Variants in VPS8 observed in about 807,000 individuals in gnomAD.
VPS8 encodes the protein VPS8 subunit of CORVET complex.
A neutral mutation model predicts 216.4 loss-of-function variants in VPS8; 129 were observed. The observed-to-expected ratio is 0.60, with a 90% CI of 0.52 to 0.69. The LOEUF is 0.69. Among genes scored for constraint, VPS8 ranks in the 30% least tolerant of loss-of-function variants. The probability of loss-of-function intolerance (pLI) is 0.00; values close to 1 mark genes in which losing one functional copy is unlikely to be tolerated. For missense variants in VPS8, 1,531 were observed against 1,683.5 expected (o/e 0.91, Z 1.59); for synonymous variants, 571 against 565.4 (o/e 1.01, Z -0.14).
Position 184,936,233 on chromosome 3 carries a change from C to T in VPS8, c.2899-13C>T. On this transcript the variant is annotated splice_polypyrimidine_tract_variant and intron_variant, in intron 34 of 47. Coordinates refer to ENST00000625842, the MANE Select transcript of VPS8 (RefSeq NM_001009921.3). ...GCCATTAGAGATGGCTTTGTCTTTT[C>T]CTTTAACTCCAGGAACTCGTGTCCC... 1.3e-6 allele frequency: 2 copies of T among 1,595,984 alleles called. No homozygotes were observed. Among genetic ancestry groups the T allele is most frequent in the Non-Finnish European group, 1.7e-6 (2 of 1,170,660 alleles).
chr3:184,869,035 G>A lies in VPS8; in HGVS notation c.1596G>A (p.Val532=). 6.2e-7 allele frequency: 1 copy of A among 1,602,364 alleles called. No individual in the cohort carries two copies. The highest frequency in any genetic ancestry group is 8.5e-7 in the Non-Finnish European group (1 of 1,174,332). ...SFHEGKAKAV[V]GLSGDASKRK... Reference sequence around the variant, plus strand: ...ATGAAGGAAAAGCAAAAGCAGTAGTGGGTGAGTAGGCAGAATTCCAGTGTA... The same window carrying A: ...ATGAAGGAAAAGCAAAAGCAGTAGTAGGTGAGTAGGCAGAATTCCAGTGTA... The change falls in exon 19 of 48, where the codon GTG becomes GTA. Residue 532 remains valine, a splice_region_variant and synonymous_variant. Coordinates refer to ENST00000625842, the MANE Select transcript of VPS8 (RefSeq NM_001009921.3).
chr3:184,973,400 A>T (rs1748749390), intron 40 of VPS8, among the ~76,000 whole-genome samples: 1 of 152,176 alleles, frequency 6.6e-6, no homozygotes, highest in Non-Finnish European at 1.5e-5. Context: ...AGGAAACTTA[A>T]GTAAAACTAA....
rs1740315451 is a variant in VPS8, at chr3:184,929,565, C to T, written c.2715-15C>T. ...CCCTGTTTGGTACACTGAAGTTTTT[C>T]CCTTTACATTCTAGCTATCAAATTT... On this transcript the variant is annotated splice_polypyrimidine_tract_variant and intron_variant, in intron 32 of 47. Coordinates refer to ENST00000625842, the MANE Select transcript of VPS8 (RefSeq NM_001009921.3). 1.4e-6 allele frequency: 2 copies of T among 1,445,364 alleles called. No homozygotes were observed. The highest frequency in any genetic ancestry group is 1.9e-6 in the Non-Finnish European group (2 of 1,057,340). 89.5% of individuals were successfully genotyped at this position (1,445,364 alleles called of 1,614,324 possible).
rs1180432755 is a variant in VPS8, at chr3:184,834,505, TAAAAG to T, written c.354-139_354-135del. ...CCTAAAACTTAAAGTATAATAATAA[TAAAAG>T]AAAAAAAAACAGATCTAACAAATTA... On this transcript the variant is annotated intron_variant, in intron 4 of 47. Coordinates refer to ENST00000625842, the MANE Select transcript of VPS8 (RefSeq NM_001009921.3). 13 of 633,614 alleles carry T rather than the reference TAAAAG, an allele frequency of 2.1e-5. No homozygotes were observed. In the East Asian group the frequency reaches 3.0e-4, roughly 14 times the overall value. The allele number at this position is 633,614 out of a possible 1,614,324, so 39.2% of individuals were successfully genotyped here.
intron 10 of VPS8, among the ~76,000 whole-genome samples, chr3:184,850,261 G>A (rs548035896): frequency 1.3e-5 from 2 of 152,332 alleles, no homozygotes; most frequent in African/African-American, 4.8e-5. Context: ...GCTTCAAGTT[G>A]TATTGAAGTC....
chr3:184,917,616 A>G (rs928464211), intron 28 of VPS8, among the ~76,000 whole-genome samples: 5 of 152,162 alleles, frequency 3.3e-5, no homozygotes, highest in African/African-American at 9.7e-5. Context: ...ATGTTGGCCA[A>G]GCTGGTCTCG....
intron 22 of VPS8, among the ~76,000 whole-genome samples, chr3:184,891,237 G>A (rs1192470794): frequency 6.6e-6 from 1 of 152,100 alleles, no homozygotes; most frequent in East Asian, 1.9e-4. Flanking sequence ...CTTGTGTTAT[G>A]TATGCATCTG....
intron 36 of VPS8, among the ~76,000 whole-genome samples, chr3:184,957,065 A>G (rs1193406478): frequency 6.6e-6 from 1 of 152,236 alleles, no homozygotes; most frequent in African/African-American, 2.4e-5. Context: ...TTAGGACTAA[A>G]TTGGGTGGCT....
chr3:184,940,271 TA>T, intron 36 of VPS8, 28 bp downstream of exon 36: 2 of 587,066 alleles, frequency 3.4e-6, no homozygotes, highest in South Asian at 5.4e-5. Context: ...AGTCTTTCAT[TA>T]TATATATATA....
rs775437098 is a variant in VPS8, at chr3:184,824,694, A to G, written c.62A>G (p.Glu21Gly). Reference sequence around the variant, plus strand: ...AGCCTCTGTGCCAAGACGAGCGAAGAAGAGCTGAATAAGTCTTTCAATCTA... The same window carrying G: ...AGCCTCTGTGCCAAGACGAGCGAAGGAGAGCTGAATAAGTCTTTCAATCTA... ...EQSLCAKTSE[E>G]ELNKSFNLEA... The change falls in exon 2 of 48, where the codon GAA becomes GGA. Residue 21 changes from glutamate to glycine, a missense_variant. By Grantham distance (98) the Glu-to-Gly change is moderately conservative (BLOSUM62 -2). Coordinates refer to ENST00000625842, the MANE Select transcript of VPS8 (RefSeq NM_001009921.3). 1 of 1,614,004 alleles carries G rather than the reference A, an allele frequency of 6.2e-7. No homozygotes were observed. Among genetic ancestry groups the G allele is most frequent in the African/African-American group, 1.3e-5 (1 of 75,042 alleles).
chr3:184,927,944 A>G (rs1246254018), intron 31 of VPS8, among the ~76,000 whole-genome samples: 1 of 152,200 alleles, frequency 6.6e-6, no homozygotes, highest in Non-Finnish European at 1.5e-5. Context: ...TGCATATACT[A>G]CATTTTGTTT....
intron 46 of VPS8, among the ~76,000 whole-genome samples, chr3:185,033,300 C>T (rs1310034128): frequency 6.6e-6 from 1 of 152,182 alleles, no homozygotes; most frequent in African/African-American, 2.4e-5. Flanking sequence ...CCTGCCTTCT[C>T]CCCAAACTTT....
intron 45 of VPS8, among the ~76,000 whole-genome samples, chr3:185,014,780 G>T (rs771553596): frequency 6.6e-6 from 1 of 152,174 alleles, no homozygotes; most frequent in African/African-American, 2.4e-5. Context: ...TACATGGGAT[G>T]CCAGTAATGT....
At chr3:184,985,944 G>C (rs1318995842) in intron 42 of VPS8, among the ~76,000 whole-genome samples, 1 of 152,170 alleles carries the variant, frequency 6.6e-6, no homozygotes, top group Admixed American at 6.5e-5. Context: ...GACCATGTGG[G>C]GAGAAAAAGC....
rs1705558608 is a variant in VPS8 at position 184,923,929 on chromosome 3, G to C, written c.2455-933G>C. Among the ~76,000 whole-genome samples the C allele has an allele frequency of 2.0e-5, 3 of 152,110 alleles. No individual in the cohort carries two copies. The South Asian group carries it at 6.2e-4, about 32-fold the overall frequency. On this transcript the variant is annotated intron_variant, in intron 29 of 47. Transcript: ENST00000625842. ...AATTAAAATTTTCCACCGTGCTTCT[G>C]TAATCATTTGTGCCCTTATAATAGC... is the stretch of plus-strand genomic sequence containing the variant.
intron 22 of VPS8, among the ~76,000 whole-genome samples, chr3:184,889,453 C>T (rs536622684): frequency 6.8e-4 from 103 of 152,232 alleles, no homozygotes; most frequent in African/African-American, 2.3e-3. Context: ...TACATACACA[C>T]TCTTAGGTCA....
intron 46 of VPS8, among the ~76,000 whole-genome samples, chr3:185,041,531 G>A (rs1711624610): frequency 2.0e-5 from 3 of 152,200 alleles, no homozygotes; most frequent in South Asian, 2.1e-4. Flanking sequence ...ATTATTGATC[G>A]AGTTACAAAT....
At chr3:184,859,017 T>G (rs1037240261) in intron 14 of VPS8, among the ~76,000 whole-genome samples, 1 of 152,196 alleles carries the variant, frequency 6.6e-6, no homozygotes, top group Non-Finnish European at 1.5e-5. Context: ...ACACAACTGT[T>G]TTGGCAGCCA....
intron 40 of VPS8, 62 bp downstream of exon 40, chr3:184,971,814 T>A: frequency 7.1e-7 from 1 of 1,402,936 alleles, no homozygotes; most frequent in Admixed American, 1.9e-5. Context: ...GTGGCCCACG[T>A]CTGTAATCCC....
Sources: gnomAD v4.1 joint callset for allele counts (sites outside exome capture counted in the v4.1 genomes callset) on GRCh38, gnomAD v4.1.1 for gene constraint, MANE v1.5 for transcripts, NCBI Gene and HGNC (gene_info 2026-07-23, HGNC 2026-07-21) for gene names.